Variants in IKBKE observed in about 807,000 individuals in gnomAD.
IKBKE encodes inhibitor of nuclear factor kappa-B kinase subunit epsilon.
Under a neutral mutation model 92.1 loss-of-function variants are expected in IKBKE, and 45 were observed. The observed-to-expected ratio is 0.49, with a 90% confidence interval of 0.38 to 0.63. The LOEUF is 0.63. Among genes scored for constraint, IKBKE ranks in the 20% least tolerant of loss-of-function variants. The pLI is 0.00. For synonymous variants in IKBKE, 374 were observed against 380.3 expected (o/e 0.98, Z 0.19); for missense variants, 700 against 932.8 (o/e 0.75, Z 3.25).
intron 16 of IKBKE, among the ~76,000 whole-genome samples, chr1:206,488,501 G>C (rs1264740517): frequency 2.0e-5 from 3 of 152,156 alleles, no homozygotes; most frequent in Non-Finnish European, 4.4e-5. Context: ...CTGTGGCAGG[G>C]GCAGCCCATT....
intron 17 of IKBKE, chr1:206,491,100 T>A (rs1323573210): frequency 9.5e-5 from 55 of 579,990 alleles, no homozygotes; most frequent in Non-Finnish European, 1.6e-4. Flanking sequence ...CAAGACTGTT[T>A]GCAGGCTTTT....
intron 2 of IKBKE, 98 bp from the exon 3 acceptor site, chr1:206,473,095 CCTT>C: frequency 1.4e-6 from 1 of 706,588 alleles, no homozygotes; most frequent in Non-Finnish European, 2.5e-6. Context: ...CACATGGAGC[CCTT>C]CTTAGGGTAG....
Position 206,492,689 on chromosome 1 carries a change from C to T in IKBKE, c.1836-334C>T, listed in dbSNP as rs201760777. 6.2e-4 allele frequency: 323 copies of T among 522,334 alleles called. 1 individual carries two copies. The Middle Eastern group carries it at 6.8e-3, about 11-fold the overall frequency. The allele number at this position is 522,334 out of a possible 1,614,324, so 32.4% of individuals were successfully genotyped here. On this transcript the variant is annotated intron_variant, in intron 18 of 21. Transcript: ENST00000581977. ...TGGGCAGTTCCCCACACTGAGAGCCCTGGTGTGGGCTATCCTCTGCCTCTC... is the reference window on the plus strand; with the variant it reads ...TGGGCAGTTCCCCACACTGAGAGCCTTGGTGTGGGCTATCCTCTGCCTCTC...
intron 10 of IKBKE, 96 bp from the exon 11 acceptor site, chr1:206,479,774 T>C: frequency 7.9e-7 from 1 of 1,272,402 alleles, no homozygotes. Flanking sequence ...AGGTGGGAGA[T>C]TGGCAGTGAG....
At chr1:206,491,292 C>T in intron 17 of IKBKE, 1 of 359,276 alleles carries the variant, frequency 2.8e-6, no homozygotes, top group South Asian at 2.8e-5. Flanking sequence ...TCTACAAGCA[C>T]CCCGACCCCT....
chr1:206,476,287 G>A lies in IKBKE; in HGVS notation c.465G>A (p.Leu155=). ...VGEEGQSIYK[L]TDFGAARELD... ...AGGAGGGGCAGAGCATCTACAAGCT[G>A]ACAGACTTCGGCGCTGCCCGGGAGC... The change falls in exon 6 of 22, where the codon CTG becomes CTA. Residue 155 remains leucine (L), a synonymous_variant. Transcript: ENST00000581977. The surrounding 1 kb of genome is among the most constrained non-coding windows in gnomAD (Gnocchi z 5.1). The A allele has an allele frequency of 6.2e-7, 1 of 1,614,142 alleles. No homozygotes were observed. Among genetic ancestry groups the A allele is most frequent in the Non-Finnish European group, 8.5e-7 (1 of 1,180,006 alleles).
At chr1:206,495,478 AG>A (rs1666192113) in intron 21 of IKBKE, among the ~76,000 whole-genome samples, 1 of 152,168 alleles carries the variant, frequency 6.6e-6, no homozygotes, top group Admixed American at 6.5e-5. Context: ...GCCAGGAGGT[AG>A]GGAAACCAGG....
Position 206,496,146 on chromosome 1 carries a change from G to A in IKBKE, c.*1G>A. 1.2e-6 allele frequency: 2 copies of A among 1,612,206 alleles called. No individual in the cohort carries two copies. Among genetic ancestry groups the A allele is most frequent in the Non-Finnish European group, 8.5e-7 (1 of 1,178,232 alleles). ...AGTCCCAGCACCTCCTGATGTCTGA[G>A]CTCCATGGGGCACATGAGGCATCCT... On this transcript the variant is annotated 3_prime_UTR_variant, in exon 22 of 22. Coordinates refer to ENST00000581977, the MANE Select transcript of IKBKE (RefSeq NM_014002.4).
chr1:206,479,733 G>T (rs1553386456), intron 10 of IKBKE, 137 bp from the exon 11 acceptor site: 3 of 926,230 alleles, frequency 3.2e-6, no homozygotes, highest in Admixed American at 2.1e-5. Flanking sequence ...GGCTGGCAAG[G>T]TGGGAGGCTC....
Position 206,490,611 on chromosome 1 carries a change from A to G in IKBKE, c.1694-208A>G, listed in dbSNP as rs1665897717. On this transcript the variant is annotated intron_variant, in intron 16 of 21. Transcript: ENST00000581977. The surrounding 1 kb of genome is among the most constrained non-coding windows in gnomAD (Gnocchi z 5.2). ...CCTGGGGCCCTCACACAATTTCCCC[A>G]TGGCTTCTTGAGGCCCTGGCTTTGT... Among the ~76,000 whole-genome samples the G allele has an allele frequency of 6.6e-6, 1 of 152,036 alleles. No homozygotes were observed.
Position 206,490,833 on chromosome 1 carries a change from G to A in IKBKE, c.1708G>A (p.Glu570Lys), listed in dbSNP as rs782309605. The change falls in exon 17 of 22, where the codon GAG (glutamate) becomes AAG (lysine). Residue 570 changes from glutamate (E) to lysine (K), a missense_variant. By Grantham distance (56) the Glu-to-Lys change is moderately conservative (BLOSUM62 1). Transcript: ENST00000581977. This position sits in a 1 kb window ranked among gnomAD's most constrained non-coding sequence, Gnocchi z 5.2. ...GTTTCCTCCAGGGCTTGGCTACAAC[G>A]AGGAGCAGATTCACAAGCTGGATAA... ...SRMRPGLGYN[E>K]EQIHKLDKVN... 18 of 1,614,048 alleles carry A rather than the reference G, an allele frequency of 1.1e-5. No individual in the cohort carries two copies. The highest frequency in any genetic ancestry group is 1.4e-5 in the Non-Finnish European group (17 of 1,180,026).
intron 13 of IKBKE, among the ~76,000 whole-genome samples, chr1:206,483,934 T>C (rs1036376214): frequency 6.6e-6 from 1 of 151,964 alleles, no homozygotes; most frequent in Non-Finnish European, 1.5e-5. Context: ...TTTTAAAAAT[T>C]TTTTTTTAGT....
chr1:206,489,234 TCATATATATATTATTCA>T (rs1453579977), intron 16 of IKBKE, among the ~76,000 whole-genome samples: 5 of 147,822 alleles, frequency 3.4e-5, no homozygotes, highest in South Asian at 2.1e-4. Context: ...TATATATAAT[TCATATATATATTATTCA>T]CATATATATA....
At position 206,476,718 on chromosome 1, in the gene IKBKE, A is replaced by C. The variant is rs149937552; in HGVS notation, c.581A>C (p.Gln194Pro). Residue 194 changes from glutamine (Q) to proline (P), a missense_variant, in exon 7 of 22, where the codon CAG (glutamine) becomes CCG (proline). Gln to Pro is a moderately conservative substitution (Grantham distance 76). Coordinates refer to ENST00000581977, the MANE Select transcript of IKBKE (RefSeq NM_014002.4). The surrounding 1 kb of genome is among the most constrained non-coding windows in gnomAD (Gnocchi z 5.1). The stretch of plus-strand genomic sequence containing the variant: ...GAGCGGGCGGTGCTTCGAAAGCCCC[A>C]GCAAAAAGCGTTCGGGGTGACTGTG... ...MYERAVLRKP[Q>P]QKAFGVTVDL... 21 of 1,614,224 alleles carry C rather than the reference A, an allele frequency of 1.3e-5. No homozygotes were observed. The highest frequency in any genetic ancestry group is 1.7e-5 in the Non-Finnish European group (20 of 1,180,026).
chr1:206,496,113 CTAAA>C lies in IKBKE; in HGVS notation c.2122_2125del (p.Asn708GlufsTer18). On this transcript the variant is annotated frameshift_variant and splice_region_variant, in exon 22 of 22. Coordinates refer to ENST00000581977, the MANE Select transcript of IKBKE (RefSeq NM_014002.4). LOFTEE classifies it high-confidence loss of function. ...GCTAGCCTGTACCTTTTCTTGTAGG[CTAAA>C]TAGAGTCCCAGCACCTCCTGATGTC... 2.5e-6 allele frequency: 4 copies of C among 1,613,362 alleles called. No homozygotes were observed. The highest frequency in any genetic ancestry group is 3.4e-6 in the Non-Finnish European group (4 of 1,179,306).
intron 3 of IKBKE, 41 bp from the exon 4 acceptor site, chr1:206,474,290 T>C: frequency 2.5e-6 from 4 of 1,587,366 alleles, no homozygotes; most frequent in Non-Finnish European, 1.7e-6. Flanking sequence ...GGACATGTGC[T>C]AATCCCATGC....
Position 206,496,129 on chromosome 1 carries a change from C to A in IKBKE, c.2135C>A (p.Ala712Glu), listed in dbSNP as rs782762370. The A allele has an allele frequency of 3.7e-6, 6 of 1,613,538 alleles. No individual in the cohort carries two copies. The highest frequency in any genetic ancestry group is 5.1e-6 in the Non-Finnish European group (6 of 1,179,450). ...TCTTGTAGGCTAAATAGAGTCCCAG[C>A]ACCTCCTGATGTCTGAGCTCCATGG... ...RIIERLNRVP[A>E]PPDV The change falls in exon 22 of 22, where the codon GCA becomes GAA. Residue 712 changes from alanine to glutamate, a missense_variant. Ala to Glu is a moderately radical substitution (Grantham distance 107, BLOSUM62 -1). Coordinates refer to ENST00000581977, the MANE Select transcript of IKBKE (RefSeq NM_014002.4).
At chr1:206,479,781 T>C in intron 10 of IKBKE, 89 bp from the exon 11 acceptor site, 1 of 1,334,836 alleles carries the variant, frequency 7.5e-7, no homozygotes, top group Non-Finnish European at 1.1e-6. Flanking sequence ...AGATTGGCAG[T>C]GAGGGGTGAG....
Position 206,470,542 on chromosome 1 carries a change from G to C in IKBKE, c.-279G>C, listed in dbSNP as rs1553383610. On this transcript the variant is annotated 5_prime_UTR_variant, in exon 1 of 22. Transcript: ENST00000581977. The stretch of plus-strand genomic sequence containing the variant: ...AGAAACCCACTAGTCCCAGCTCCTG[G>C]GGTGGCACAGACATTGCAACTGGCC... 3 of 152,370 alleles carry C rather than the reference G, an allele frequency of 2.0e-5. No homozygotes were observed. The highest frequency in any genetic ancestry group is 4.4e-5 in the Non-Finnish European group (3 of 68,150). The allele number at this position is 152,370 out of a possible 1,614,324, so 9.4% of individuals were successfully genotyped here.
Sources: allele counts gnomAD v4.1 joint callset (sites outside exome capture counted in the v4.1 genomes callset), GRCh38; gene constraint gnomAD v4.1.1; non-coding constraint Gnocchi (gnomAD v3.1); transcripts MANE v1.5; gene names NCBI Gene and HGNC (gene_info 2026-07-23, HGNC 2026-07-21).